Variants in CINP observed in about 807,000 individuals in gnomAD.
CINP encodes the protein cyclin dependent kinase 2 interacting protein.
A neutral mutation model predicts 20.5 loss-of-function variants in CINP; 11 were observed. The ratio of observed to expected loss-of-function variants is 0.54; its 90% CI spans 0.34 to 0.89. The LOEUF is 0.89. Among genes scored for constraint, CINP ranks in the 40% least tolerant of loss-of-function variants. The pLI, the probability that CINP is intolerant of heterozygous loss-of-function variation, is 0.02. For missense variants in CINP, 213 were observed against 251.0 expected (o/e 0.85, Z 1.02); for synonymous variants, 108 against 102.1 (o/e 1.06, Z -0.35).
At chr14:102,359,386 A>T in intron 2 of CINP, 33 bp downstream of exon 2, 1 of 1,498,536 alleles carries the variant, frequency 6.7e-7, no homozygotes, top group Non-Finnish European at 9.0e-7. Flanking sequence ...AAGGGTGAAA[A>T]ACTTAGAGCA....
intron 3 of CINP, 134 bp downstream of exon 3, chr14:102,355,634 G>T: frequency 1.0e-6 from 1 of 969,752 alleles, no homozygotes. Context: ...TAAGGTTTAC[G>T]CAGCAGGCAG....
chr14:102,358,712 G>A (rs1302247934), intron 2 of CINP, among the ~76,000 whole-genome samples: 1 of 151,914 alleles, frequency 6.6e-6, no homozygotes, highest in Non-Finnish European at 1.5e-5. Context: ...GAAAAAGAAA[G>A]TGAGATATAA....
intron 1 of CINP, 179 bp downstream of exon 1, chr14:102,362,666 T>G (rs1213609651): frequency 1.1e-5 from 9 of 796,104 alleles, no homozygotes; most frequent in Non-Finnish European, 2.0e-5. Flanking sequence ...TCGGCAAAAC[T>G]GTCTCCCGAG....
In CINP at chr14:102,352,688, T is replaced by C. The variant is rs1399430419; in HGVS notation, c.307-2640A>G. 5 of 392,148 alleles carry C rather than the reference T, an allele frequency of 1.3e-5. No homozygotes were observed. In the Admixed American group the frequency reaches 1.5e-4, roughly 12 times the overall value. The allele number at this position is 392,148 out of a possible 1,614,324, so 24.3% of individuals were successfully genotyped here. A position where few individuals can be genotyped will look rare whatever the true frequency, so the allele number is the denominator to read the frequency against. On this transcript the variant is annotated intron_variant, in intron 3 of 4. Coordinates refer to ENST00000216756, the MANE Select transcript of CINP (RefSeq NM_032630.3). ...TTTTTCTTTTTTTTGACACGGAGTC[T>C]CACTCTGTGGCCCAGACTGGAGTGC...
intron 3 of CINP, among the ~76,000 whole-genome samples, chr14:102,353,461 G>C (rs933935348): frequency 3.3e-5 from 5 of 150,666 alleles, no homozygotes; most frequent in African/African-American, 1.2e-4. Flanking sequence ...CACTGCTTGA[G>C]CCCAGGAGTT....
chr14:102,356,478 T>C lies in CINP; in HGVS notation c.177-581A>G, dbSNP rs75656220. ...TTGGCATAGGGCATGGTGCTGGATGTACAAAGATGAATAAGACATGGATCA... is the reference window on the plus strand; with the variant it reads ...TTGGCATAGGGCATGGTGCTGGATGCACAAAGATGAATAAGACATGGATCA... On this transcript the variant is annotated intron_variant, in intron 2 of 4. Coordinates refer to ENST00000216756, the MANE Select transcript of CINP (RefSeq NM_032630.3). Among the ~76,000 whole-genome samples the C allele has an allele frequency of 5.7e-3, 870 of 151,872 alleles. 7 individuals carry two copies. Among genetic ancestry groups the C allele is most frequent in the African/African-American group, 0.02 (831 of 41,398 alleles).
chr14:102,349,602 C>G (rs1886820658), intron 4 of CINP, among the ~76,000 whole-genome samples: 2 of 152,182 alleles, frequency 1.3e-5, no homozygotes, highest in Middle Eastern at 6.8e-3. Flanking sequence ...CAAAAAAACT[C>G]CTTTCTTCCT....
At position 102,348,299 on chromosome 14, in the gene CINP, T is replaced by C. The variant is rs1886785144; in HGVS notation, c.*258A>G. The C allele has an allele frequency of 3.9e-6, 2 of 510,988 alleles. No individual in the cohort carries two copies. The highest frequency in any genetic ancestry group is 1.9e-5 in the African/African-American group (1 of 52,524). 31.7% of individuals were successfully genotyped at this position (510,988 alleles called of 1,614,324 possible). ...CTCACTCATTCTGCTCAGAAACTCATTGATTTTACTCTGAAGCACCCACGA... is the reference window on the plus strand; with the variant it reads ...CTCACTCATTCTGCTCAGAAACTCACTGATTTTACTCTGAAGCACCCACGA... On this transcript the variant is annotated 3_prime_UTR_variant, in exon 5 of 5. Coordinates refer to ENST00000216756, the MANE Select transcript of CINP (RefSeq NM_032630.3).
At chr14:102,356,314 G>A (rs992275289) in intron 2 of CINP, among the ~76,000 whole-genome samples, 2 of 151,950 alleles carry the variant, frequency 1.3e-5, no homozygotes, top group African/African-American at 4.8e-5. Flanking sequence ...AGCTACTTAG[G>A]AGGCTCAGGT....
Position 102,348,369 on chromosome 14 carries a change from G to C in CINP, c.*188C>G. 3.4e-6 allele frequency: 2 copies of C among 592,904 alleles called. No homozygotes were observed. Among genetic ancestry groups the C allele is most frequent in the Non-Finnish European group, 6.0e-6 (2 of 334,508 alleles). The allele number at this position is 592,904 out of a possible 1,614,324, so 36.7% of individuals were successfully genotyped here. A position where few individuals can be genotyped will look rare whatever the true frequency, so the allele number is the denominator to read the frequency against. On this transcript the variant is annotated 3_prime_UTR_variant, in exon 5 of 5. Coordinates refer to ENST00000216756, the MANE Select transcript of CINP (RefSeq NM_032630.3). ...GGCAGAGAAGGCTGAGCAGCACCAC[G>C]TGGGGCTGGCCGCGGGTTGTGGGCA...
Position 102,355,515 on chromosome 14 carries a change from A to G in CINP, c.306+253T>C, listed in dbSNP as rs1266818015. On this transcript the variant is annotated intron_variant, in intron 3 of 4. Transcript: ENST00000216756. Reference sequence around the variant, plus strand: ...GGGCGACAAAGCAAGACTCCATATCATGGAAAAAAAAAAAAAATTTACTAT... The same window carrying G: ...GGGCGACAAAGCAAGACTCCATATCGTGGAAAAAAAAAAAAAATTTACTAT... 4 of 359,536 alleles carry G rather than the reference A, an allele frequency of 1.1e-5. No homozygotes were observed. The East Asian group carries it at 1.5e-4, about 13-fold the overall frequency. The allele number at this position is 359,536 out of a possible 1,614,324, so 22.3% of individuals were successfully genotyped here.
Position 102,362,607 on chromosome 14 carries a change from C to T in CINP, c.7+238G>A, listed in dbSNP as rs181801139. Reference sequence around the variant, plus strand: ...TGTCGGATCTGCTGACACTCATTTGCGTATATCGTCCCGTTCATCTGTCAC... The same window carrying T: ...TGTCGGATCTGCTGACACTCATTTGTGTATATCGTCCCGTTCATCTGTCAC... On this transcript the variant is annotated intron_variant, in intron 1 of 4. Coordinates refer to ENST00000216756, the MANE Select transcript of CINP (RefSeq NM_032630.3). 4.2e-6 allele frequency: 3 copies of T among 709,610 alleles called. No individual in the cohort carries two copies. The Admixed American group carries it at 6.0e-5, about 14-fold the overall frequency. 44.0% of individuals were successfully genotyped at this position (709,610 alleles called of 1,614,324 possible). A position where few individuals can be genotyped will look rare whatever the true frequency, so the allele number is the denominator to read the frequency against.
chr14:102,348,608 G>C lies in CINP; in HGVS notation c.588C>G (p.Ser196Arg). ...WLHQPYVESD[S>R]RLHLESMLLE... Reference sequence around the variant, plus strand: ...GCAGCATGCTCTCCAGATGCAGCCTGCTGTCGCTCTCCACATAGGGCTGGT... The same window carrying C: ...GCAGCATGCTCTCCAGATGCAGCCTCCTGTCGCTCTCCACATAGGGCTGGT... The change falls in exon 5 of 5, where the codon AGC (serine) becomes AGG (arginine). Residue 196 changes from serine to arginine, a missense_variant. Transcript: ENST00000216756. The C allele has an allele frequency of 6.2e-7, 1 of 1,613,182 alleles. No homozygotes were observed. The highest frequency in any genetic ancestry group is 8.5e-7 in the Non-Finnish European group (1 of 1,179,558).
At chr14:102,361,953 G>A (rs1353963057) in intron 1 of CINP, among the ~76,000 whole-genome samples, 4 of 152,204 alleles carry the variant, frequency 2.6e-5, no homozygotes, top group African/African-American at 9.7e-5. Flanking sequence ...ATTCACCAGT[G>A]GAGTGTATTT....
In CINP at chr14:102,349,978, T is replaced by C. The variant is rs141022669; in HGVS notation, c.377A>G (p.His126Arg). 301 of 1,613,612 alleles carry C rather than the reference T, an allele frequency of 1.9e-4. No homozygotes were observed. The highest frequency in any genetic ancestry group is 1.8e-4 in the Non-Finnish European group (209 of 1,179,750). The change falls in exon 4 of 5, where the codon CAT becomes CGT. Residue 126 changes from histidine to arginine, a missense_variant. By Grantham distance (29) the His-to-Arg change is conservative. Coordinates refer to ENST00000216756, the MANE Select transcript of CINP (RefSeq NM_032630.3). The part of the protein sequence containing the change: ...TKGICELENY[H>R]YGEESKRPPL... ...GGGTCGTTTACTCTCCTCCCCATAA[T>C]GGTAGTTTTCTAGTTCACAAATTCC... is the stretch of plus-strand genomic sequence containing the variant.
At chr14:102,362,158 C>T (rs1459749762) in intron 1 of CINP, among the ~76,000 whole-genome samples, 1 of 152,176 alleles carries the variant, frequency 6.6e-6, no homozygotes, top group Non-Finnish European at 1.5e-5. Context: ...GGCAGGATCA[C>T]ATCTGATTCA....
At position 102,355,873 on chromosome 14, in the gene CINP, GTCTAGTTCTA is replaced by G; in HGVS notation, c.191_200del (p.Ile64ThrfsTer36). On this transcript the variant is annotated frameshift_variant, in exon 3 of 5. Transcript: ENST00000216756. LOFTEE classifies it high-confidence loss of function. ...TTTCCTTCGAGGCTGGGCTGCTGCTGTCTAGTTCTATCTTGTCTTTATTCCTAAACAAAAT... is the reference window on the plus strand; with the variant it reads ...TTTCCTTCGAGGCTGGGCTGCTGCTGTCTTGTCTTTATTCCTAAACAAAAT... 1 of 1,614,158 alleles carries G rather than the reference GTCTAGTTCTA, an allele frequency of 6.2e-7. No individual in the cohort carries two copies. Among genetic ancestry groups the G allele is most frequent in the Non-Finnish European group, 8.5e-7 (1 of 1,180,000 alleles).
Position 102,359,400 on chromosome 14 carries a change from A to G in CINP, c.176+19T>C, listed in dbSNP as rs767030250. ...TAAGGGTGAAAAACTTAGAGCATGAAAAACCAATATGTACTTACAATAAAC... is the reference window on the plus strand; with the variant it reads ...TAAGGGTGAAAAACTTAGAGCATGAGAAACCAATATGTACTTACAATAAAC... On this transcript the variant is annotated intron_variant, in intron 2 of 4. Coordinates refer to ENST00000216756, the MANE Select transcript of CINP (RefSeq NM_032630.3). 11 of 1,539,904 alleles carry G rather than the reference A, an allele frequency of 7.1e-6. No individual in the cohort carries two copies. In the East Asian group the frequency reaches 2.1e-4, roughly 29 times the overall value.
At chr14:102,362,194 C>T (rs1344959729) in intron 1 of CINP, among the ~76,000 whole-genome samples, 1 of 152,132 alleles carries the variant, frequency 6.6e-6, no homozygotes, top group African/African-American at 2.4e-5. Flanking sequence ...ATACGGGGCA[C>T]ATATTTAGGA....
Sources: gnomAD v4.1 joint callset for allele counts (sites outside exome capture counted in the v4.1 genomes callset) on GRCh38, gnomAD v4.1.1 for gene constraint, MANE v1.5 for transcripts, NCBI Gene and HGNC (gene_info 2026-07-23, HGNC 2026-07-21) for gene names.